SYNE2: variants seen among roughly 807,000 people sequenced by gnomAD.
SYNE2 encodes spectrin repeat containing nuclear envelope protein 2, also known as nesprin-2.
Under a neutral mutation model 856.3 loss-of-function variants are expected in SYNE2, and 431 were observed. The ratio of observed to expected loss-of-function variants is 0.50; its 90% CI spans 0.47 to 0.55. The LOEUF (loss-of-function observed/expected upper bound fraction) is 0.55, where lower values mean the gene tolerates loss of function less well. Ranked by LOEUF, SYNE2 falls within the 20% of genes least tolerant of loss-of-function variation. The probability of loss-of-function intolerance (pLI) is 0.00; values close to 1 mark genes in which losing one functional copy is unlikely to be tolerated. For missense variants in SYNE2, 8,129 were observed against 8,023.2 expected (o/e 1.01, Z -0.50); for synonymous variants, 2,923 against 2,872.3 (o/e 1.02, Z -0.56).
rs750920335 is a variant in SYNE2 at position 64,017,663 on chromosome 14, T to C, written c.4956T>C (p.Phe1652=). 1.2e-6 allele frequency: 2 copies of C among 1,613,652 alleles called. No homozygotes were observed. The highest frequency in any genetic ancestry group is 1.7e-6 in the Non-Finnish European group (2 of 1,179,706). Residue 1652 remains phenylalanine, a synonymous_variant, in exon 34 of 116, where the codon TTT becomes TTC. Transcript: ENST00000555002. ...CTCTAGCTTTGTGGGACAAACTTTT[T>C]AACTTAAAAAATGTCATTGATGAGT... ...GRALALWDKL[F]NLKNVIDEWT... is the part of the protein sequence containing the mutation.
Position 63,981,063 on chromosome 14 carries a change from A to G in SYNE2, c.1726A>G (p.Asn576Asp). Residue 576 changes from asparagine to aspartate, a missense_variant, in exon 16 of 116, where the codon AAT (asparagine) becomes GAT (aspartate). Around this residue, in one of 3 missense-constraint regions of SYNE2, gnomAD observed 2,422 missense variants for 2,357.4 expected, o/e 1.03. Coordinates refer to ENST00000555002, the MANE Select transcript of SYNE2 (RefSeq NM_182914.3). ...DVCMYRKNIY[N>D]VKSTLQKVLA... is the part of the protein sequence containing the mutation. ...TTGTATGTATAGAAAAAATATATAT[A>G]ATGTGAAGTCCACTCTACAAAAAGT... The G allele has an allele frequency of 1.9e-6, 3 of 1,598,790 alleles. No homozygotes were observed. The highest frequency in any genetic ancestry group is 1.1e-5 in the South Asian group (1 of 90,602).
In SYNE2 at chr14:63,913,280, G is replaced by T. The variant is rs77493350; in HGVS notation, c.79+4053G>T. 2.0e-5 allele frequency among the ~76,000 whole-genome samples: 3 copies of T among 152,100 alleles called. No homozygotes were observed. The East Asian group carries it at 5.8e-4, about 29-fold the overall frequency. ...TAGATATTTATGTTTTCTGCATTTAGTGAAGAGGATGGTGTTGGACTGTTT... is the reference window on the plus strand; with the variant it reads ...TAGATATTTATGTTTTCTGCATTTATTGAAGAGGATGGTGTTGGACTGTTT... On this transcript the variant is annotated intron_variant, in intron 2 of 115. Coordinates refer to ENST00000555002, the MANE Select transcript of SYNE2 (RefSeq NM_182914.3).
At chr14:63,934,576 G>C (rs1228524135) in intron 2 of SYNE2, among the ~76,000 whole-genome samples, 1 of 151,622 alleles carries the variant, frequency 6.6e-6, no homozygotes, top group Non-Finnish European at 1.5e-5. Flanking sequence ...AGCTCAAAAT[G>C]GCCGAGGTTT....
intron 36 of SYNE2, 144 bp from the exon 37 acceptor site, chr14:64,021,713 A>G: frequency 1.9e-6 from 2 of 1,026,970 alleles, no homozygotes; most frequent in East Asian, 2.6e-5. Flanking sequence ...CTTGCATTGT[A>G]TCATACATTT....
chr14:64,040,918 T>C (rs576682272), intron 45 of SYNE2, among the ~76,000 whole-genome samples: 1 of 152,100 alleles, frequency 6.6e-6, no homozygotes, highest in South Asian at 2.1e-4. Flanking sequence ...AAATGCATTG[T>C]ACTTAAAATA....
intron 45 of SYNE2, among the ~76,000 whole-genome samples, chr14:64,039,220 C>T (rs1431134529): frequency 6.6e-6 from 1 of 152,202 alleles, no homozygotes; most frequent in East Asian, 1.9e-4. Context: ...TGACACTCTG[C>T]CCCATTGTTG....
At chr14:64,009,852 C>T in intron 31 of SYNE2, 114 bp from the exon 32 acceptor site, 1 of 906,002 alleles carries the variant, frequency 1.1e-6, no homozygotes, top group Non-Finnish European at 1.7e-6. Context: ...AGAACCACAT[C>T]AAGAGGAAAA....
intron 1 of SYNE2, among the ~76,000 whole-genome samples, chr14:63,845,276 CATG>C (rs1360699299): frequency 6.6e-6 from 1 of 151,954 alleles, no homozygotes; most frequent in Admixed American, 6.6e-5. Context: ...ATTAGCCAGG[CATG>C]GTGGTGGGCA....
intron 10 of SYNE2, among the ~76,000 whole-genome samples, chr14:63,966,634 C>T (rs2096396936): frequency 6.6e-6 from 1 of 151,790 alleles, no homozygotes; most frequent in South Asian, 2.1e-4. Flanking sequence ...TCACAGTTCA[C>T]TGCAACCTCT....
At chr14:63,966,990 C>G (rs775726820) in intron 10 of SYNE2, among the ~76,000 whole-genome samples, 3 of 151,986 alleles carry the variant, frequency 2.0e-5, no homozygotes, top group African/African-American at 7.2e-5. Context: ...CTCAGCCTCC[C>G]GAGTAGCTGG....
At chr14:64,080,670 A>C in intron 56 of SYNE2, 32 bp downstream of exon 56, 1 of 1,609,688 alleles carries the variant, frequency 6.2e-7, no homozygotes, top group Admixed American at 1.7e-5. Context: ...GCTTCATATC[A>C]TGTGGTGGTA....
intron 1 of SYNE2, among the ~76,000 whole-genome samples, chr14:63,771,371 C>T (rs1289716845): frequency 1.3e-5 from 2 of 151,998 alleles, no homozygotes; most frequent in Admixed American, 1.3e-4. Context: ...CGCCCGGCCC[C>T]TTATACACTC....
intron 71 of SYNE2, 120 bp from the exon 72 acceptor site, chr14:64,126,207 G>A: frequency 3.5e-6 from 3 of 867,434 alleles, no homozygotes; most frequent in Non-Finnish European, 5.6e-6. Flanking sequence ...AGCGTTTGAA[G>A]CAACTTATTA....
chr14:63,770,897 G>T (rs1187090471), intron 1 of SYNE2, among the ~76,000 whole-genome samples: 1 of 151,966 alleles, frequency 6.6e-6, no homozygotes, highest in Non-Finnish European at 1.5e-5. Context: ...TGAGAGACAG[G>T]GTCTCACTAT....
chr14:64,067,439 C>G (rs531973163), intron 51 of SYNE2, among the ~76,000 whole-genome samples: 10 of 152,330 alleles, frequency 6.6e-5, no homozygotes, highest in Admixed American at 5.9e-4. Context: ...TGTCAACTTA[C>G]ATGATATTTA....
intron 98 of SYNE2, 44 bp from the exon 99 acceptor site, chr14:64,190,027 T>G (rs918111035): frequency 3.1e-6 from 5 of 1,609,104 alleles, no homozygotes; most frequent in Non-Finnish European, 4.3e-6. Flanking sequence ...AAGAAATGAG[T>G]TTGGGCTAAT....
intron 60 of SYNE2, among the ~76,000 whole-genome samples, chr14:64,092,254 T>C (rs1595461188): frequency 6.6e-6 from 1 of 152,228 alleles, no homozygotes; most frequent in Non-Finnish European, 1.5e-5. Context: ...CAGTTCTGTT[T>C]TGTGCCAAGT....
At position 63,859,018 on chromosome 14, in the gene SYNE2, G is replaced by T. The variant is rs1892746396; in HGVS notation, c.-52+5875G>T. Among the ~76,000 whole-genome samples the T allele has an allele frequency of 1.3e-5, 2 of 152,146 alleles. 1 individual carries two copies. Among genetic ancestry groups the T allele is most frequent in the South Asian group, 4.1e-4 (2 of 4,826 alleles). ...TTTGTTTATGGTGTGAATATGGGTG[G>T]AAGTTTACCCCACCTATGCCAGGAA... On this transcript the variant is annotated intron_variant, in intron 1 of 115. Transcript: ENST00000555002.
intron 14 of SYNE2, 60 bp downstream of exon 14, chr14:63,979,074 T>C (rs2096566269): frequency 6.4e-7 from 1 of 1,558,756 alleles, no homozygotes; most frequent in Non-Finnish European, 8.8e-7. Flanking sequence ...TGTGTTTGCA[T>C]TTTTCCTTGG....
Sources: allele counts gnomAD v4.1 joint callset (sites outside exome capture counted in the v4.1 genomes callset), GRCh38; gene constraint gnomAD v4.1.1; regional missense constraint gnomAD v4.1.1; transcripts MANE v1.5; gene names NCBI Gene and HGNC (gene_info 2026-07-23, HGNC 2026-07-21).